Variants in ASTN2 observed in about 807,000 individuals in gnomAD.
The protein encoded by ASTN2 is astrotactin 2, also known as astrotactin-2.
A neutral mutation model predicts 139.8 loss-of-function variants in ASTN2; 54 were observed. The ratio of observed to expected loss-of-function variants is 0.39; its 90% CI spans 0.31 to 0.48. The LOEUF is 0.48. ASTN2 is among the 20% of genes least tolerant of loss of function. ASTN2 has a pLI of 0.95. For synonymous variants in ASTN2, 756 were observed against 719.5 expected, an observed-to-expected ratio of 1.05 and a Z score of -0.81; for missense variants, 1,565 against 1,725.1, an observed-to-expected ratio of 0.91 and a Z score of 1.64.
At chr9:116,801,220 C>G (rs1342092336) in intron 13 of ASTN2, among the ~76,000 whole-genome samples, 1 of 152,080 alleles carries the variant, frequency 6.6e-6, no homozygotes, top group African/African-American at 2.4e-5. Context: ...TGCAGGCTTT[C>G]AGGAATGTGA....
intron 10 of ASTN2, among the ~76,000 whole-genome samples, chr9:116,974,027 C>G (rs1039363047): frequency 7.2e-5 from 11 of 152,090 alleles, no homozygotes; most frequent in African/African-American, 2.7e-4. Context: ...TAGAATGACC[C>G]AAAGGCAACT....
At chr9:116,553,123 C>A (rs1443133595) in intron 19 of ASTN2, among the ~76,000 whole-genome samples, 1 of 152,110 alleles carries the variant, frequency 6.6e-6, no homozygotes, top group African/African-American at 2.4e-5. Flanking sequence ...CAAGTTCCCC[C>A]TTCCTCCTCT....
At chr9:116,570,229 G>C (rs188091568) in intron 19 of ASTN2, among the ~76,000 whole-genome samples, 1 of 152,184 alleles carries the variant, frequency 6.6e-6, no homozygotes, top group African/African-American at 2.4e-5. Context: ...AGTTCATATA[G>C]TGGGTTTACA....
intron 19 of ASTN2, among the ~76,000 whole-genome samples, chr9:116,599,248 G>C (rs1854744980): frequency 6.6e-6 from 1 of 152,168 alleles, no homozygotes; most frequent in Non-Finnish European, 1.5e-5. Flanking sequence ...CAGAAGCCAG[G>C]AATCCAGATT....
chr9:117,008,003 T>C, intron 7 of ASTN2, 89 bp downstream of exon 7: 1 of 1,379,764 alleles, frequency 7.2e-7, no homozygotes, highest in Non-Finnish European at 9.6e-7. Flanking sequence ...TGGCTCAGAA[T>C]CCATGGTTCT....
At chr9:116,683,592 T>C (rs1035367621) in intron 16 of ASTN2, among the ~76,000 whole-genome samples, 8 of 152,234 alleles carry the variant, frequency 5.3e-5, no homozygotes, top group African/African-American at 1.4e-4. Context: ...ATGAAACTTC[T>C]AGGCTTCTCA....
At chr9:116,769,726 G>T (rs767607406) in intron 13 of ASTN2, among the ~76,000 whole-genome samples, 14 of 152,148 alleles carry the variant, frequency 9.2e-5, no homozygotes, top group Non-Finnish European at 1.6e-4. Context: ...CTTGCCTGAT[G>T]ATCTCACTTG....
intron 1 of ASTN2, among the ~76,000 whole-genome samples, chr9:117,369,272 T>G (rs1829929188): frequency 6.6e-6 from 1 of 152,166 alleles, no homozygotes; most frequent in Non-Finnish European, 1.5e-5. Flanking sequence ...ATTCATTATA[T>G]TTGGGTAGGT....
chr9:117,174,992 G>T (rs1830881849), intron 3 of ASTN2, among the ~76,000 whole-genome samples: 2 of 151,868 alleles, frequency 1.3e-5, no homozygotes, highest in African/African-American at 4.8e-5. Context: ...ATTAGAACAA[G>T]ATAATTCAAA....
intron 1 of ASTN2, among the ~76,000 whole-genome samples, chr9:117,402,637 G>A (rs538096843): frequency 5.9e-5 from 9 of 152,152 alleles, no homozygotes; most frequent in Non-Finnish European, 1.3e-4. Context: ...TAGTCAGCGA[G>A]ACATTTTTAG....
At chr9:116,475,353 C>T (rs1164002948) in intron 20 of ASTN2, among the ~76,000 whole-genome samples, 1 of 152,058 alleles carries the variant, frequency 6.6e-6, no homozygotes, top group African/African-American at 2.4e-5. Flanking sequence ...TGGCAAGTTC[C>T]TCCTTACAAA....
chr9:116,924,395 A>G (rs1834697162), intron 10 of ASTN2, among the ~76,000 whole-genome samples: 1 of 147,510 alleles, frequency 6.8e-6, no homozygotes. Context: ...GCACCACTGA[A>G]CTCCAGCCTG....
At chr9:117,314,603 A>G (rs1828077706) in intron 1 of ASTN2, among the ~76,000 whole-genome samples, 1 of 147,188 alleles carries the variant, frequency 6.8e-6, no homozygotes, top group Non-Finnish European at 1.5e-5. Flanking sequence ...TTTATATTGT[A>G]TTAATTTATT....
intron 2 of ASTN2, among the ~76,000 whole-genome samples, chr9:117,248,441 C>T (rs557307493): frequency 6.6e-5 from 10 of 152,262 alleles, no homozygotes; most frequent in African/African-American, 1.9e-4. Context: ...TTCCATGCTA[C>T]GCAAAGTTCA....
intron 22 of ASTN2, chr9:116,437,224 T>C (rs1847684181): frequency 2.3e-6 from 1 of 434,526 alleles, no homozygotes. Context: ...ACCACTGTTC[T>C]AGTTCGTCCT....
intron 6 of ASTN2, among the ~76,000 whole-genome samples, chr9:117,029,445 C>T (rs1234722136): frequency 1.3e-5 from 2 of 152,122 alleles, no homozygotes; most frequent in Non-Finnish European, 2.9e-5. Flanking sequence ...CTCCTTAAGA[C>T]ACCTTCTTCC....
intron 1 of ASTN2, among the ~76,000 whole-genome samples, chr9:117,309,311 T>C (rs1827894314): frequency 6.6e-6 from 1 of 152,196 alleles, no homozygotes; most frequent in South Asian, 2.1e-4. Flanking sequence ...AATCAGTTAT[T>C]TAGCCTAAGA....
At chr9:116,566,796 T>C (rs1246035749) in intron 19 of ASTN2, among the ~76,000 whole-genome samples, 1 of 152,190 alleles carries the variant, frequency 6.6e-6, no homozygotes, top group Non-Finnish European at 1.5e-5. Context: ...AATCCTCAGA[T>C]GGCAGACTGT....
Position 116,799,706 on chromosome 9 carries a change from T to TGGGG in ASTN2, c.2396+5922_2396+5925dup, listed in dbSNP as rs71379228. Among the ~76,000 whole-genome samples, 155 of 123,210 alleles carry TGGGG rather than the reference T, an allele frequency of 1.3e-3. 1 individual carries two copies. Among genetic ancestry groups the TGGGG allele is most frequent in the African/African-American group, 3.8e-3 (122 of 32,354 alleles). The allele number at this position is 123,210 out of a possible 152,430, so 80.8% of individuals were successfully genotyped here. On this transcript the variant is annotated intron_variant, in intron 13 of 22. Transcript: ENST00000313400. Reference sequence around the variant, plus strand: ...AGTAGAATGAATGTGGGTAAGAGAGTGGGGGGGGGGAGAATAAAAAACAAA... The same window carrying TGGGG: ...AGTAGAATGAATGTGGGTAAGAGAGTGGGGGGGGGGGGGGAGAATAAAAAACAAA...
Sources: allele counts gnomAD v4.1 joint callset (sites outside exome capture counted in the v4.1 genomes callset), GRCh38; gene constraint gnomAD v4.1.1; transcripts MANE v1.5; gene names NCBI Gene and HGNC (gene_info 2026-07-23, HGNC 2026-07-21).